AKAP12: variants seen among roughly 807,000 people sequenced by gnomAD.
AKAP12 encodes the protein A-kinase anchor protein 12.
Under a neutral mutation model 79.9 loss-of-function variants are expected in AKAP12, and 32 were observed. That is an observed-to-expected ratio of 0.40 (90% CI 0.30 to 0.54). The LOEUF is 0.54. AKAP12 is among the 20% of genes least tolerant of loss of function. The pLI is 0.48. For synonymous variants in AKAP12, 808 were observed against 857.0 expected, an observed-to-expected ratio of 0.94 and a Z score of 1.00; for missense variants, 2,074 against 2,177.0, an observed-to-expected ratio of 0.95 and a Z score of 0.94.
chr6:151,301,263 T>G (rs1408882252), intron 2 of AKAP12, among the ~76,000 whole-genome samples: 1 of 152,212 alleles, frequency 6.6e-6, no homozygotes, highest in Non-Finnish European at 1.5e-5. Context: ...CAGGAGAGAC[T>G]GATTGAAGTT....
At chr6:151,258,276 T>C (rs1797341435) in intron 2 of AKAP12, among the ~76,000 whole-genome samples, 3 of 152,156 alleles carry the variant, frequency 2.0e-5, no homozygotes, top group South Asian at 2.1e-4. Flanking sequence ...CTCTGGCAAA[T>C]ACAAGTAAAG....
rs770650934 is a variant in AKAP12 at position 151,350,038 on chromosome 6, G to C, written c.1647G>C (p.Gln549His). The C allele has an allele frequency of 1.2e-6, 2 of 1,614,146 alleles. No individual in the cohort carries two copies. The highest frequency in any genetic ancestry group is 3.3e-5 in the Admixed American group (2 of 60,012). Residue 549 changes from glutamine (Q) to histidine (H), a missense_variant, in exon 4 of 5, where the codon CAG becomes CAC. By Grantham distance (24) the Gln-to-His change is conservative (BLOSUM62 0). Around this residue, in one of 3 missense-constraint regions of AKAP12, gnomAD observed 1,428 missense variants for 1,451.0 expected, o/e 0.98. Coordinates refer to ENST00000402676, the MANE Select transcript of AKAP12 (RefSeq NM_005100.4). This position sits in a 1 kb window ranked among gnomAD's most constrained non-coding sequence, Gnocchi z 4.8. Reference sequence around the variant, plus strand: ...ACGAGGAATCAGGGGAGCACACTCAGGTTCCAGCCGATTCTCCGGACAGCC... The same window carrying C: ...ACGAGGAATCAGGGGAGCACACTCACGTTCCAGCCGATTCTCCGGACAGCC... ...GGDEESGEHTQVPADSPDSQE... is the reference protein window; with the variant it reads ...GGDEESGEHTHVPADSPDSQE...
At chr6:151,314,629 G>A (rs931125369) in intron 3 of AKAP12, among the ~76,000 whole-genome samples, 4 of 152,276 alleles carry the variant, frequency 2.6e-5, no homozygotes, top group African/African-American at 9.6e-5. Flanking sequence ...CAGCCTTGGA[G>A]ATGTTACCTA....
intron 2 of AKAP12, among the ~76,000 whole-genome samples, chr6:151,260,940 C>T (rs1289575103): frequency 4.6e-5 from 7 of 152,070 alleles, no homozygotes; most frequent in African/African-American, 4.8e-5. Flanking sequence ...TGCAGTGAGC[C>T]GAGATCGTGC....
chr6:151,351,414 A>T lies in AKAP12; in HGVS notation c.3023A>T (p.Gln1008Leu), dbSNP rs755562706. ...ACAGAAATGGTGTCAGCAGTCTCCC[A>T]GTTAACCGACTCCCCAGACACCACA... ...ETTEMVSAVS[Q>L]LTDSPDTTEE... Residue 1008 changes from glutamine (Q) to leucine (L), a missense_variant, in exon 4 of 5, where the codon CAG becomes CTG. Transcript: ENST00000402676. This position sits in a 1 kb window ranked among gnomAD's most constrained non-coding sequence, Gnocchi z 4.4. 5 of 1,614,104 alleles carry T rather than the reference A, an allele frequency of 3.1e-6. No homozygotes were observed. The African/African-American group carries it at 6.7e-5, about 22-fold the overall frequency.
rs57384016 is a variant in AKAP12, at chr6:151,256,948, C to CTATATATATATATATA, written c.162+16238_162+16239insTATATATATATATATA. Reference sequence around the variant, plus strand: ...ACAGGCGTGAGCCACCGCGCCCGGCCTATATATATATATAAACTTTAAATT... The same window carrying CTATATATATATATATA: ...ACAGGCGTGAGCCACCGCGCCCGGCCTATATATATATATATATATATATATATATAAACTTTAAATT... On this transcript the variant is annotated intron_variant, in intron 2 of 4. Coordinates refer to ENST00000402676, the MANE Select transcript of AKAP12 (RefSeq NM_005100.4). Among the ~76,000 whole-genome samples the CTATATATATATATATA allele has an allele frequency of 1.5e-3, 218 of 145,876 alleles. 3 individuals carry two copies. The highest frequency in any genetic ancestry group is 4.8e-3 in the African/African-American group (188 of 38,920).
chr6:151,326,839 A>G (rs901089609), intron 3 of AKAP12, among the ~76,000 whole-genome samples: 2 of 151,228 alleles, frequency 1.3e-5, no homozygotes, highest in African/African-American at 4.9e-5. Flanking sequence ...GTTTTTTGAG[A>G]TGGAGTCTTG....
chr6:151,340,131 C>T (rs571773625), intron 3 of AKAP12, among the ~76,000 whole-genome samples: 1 of 152,000 alleles, frequency 6.6e-6, no homozygotes, highest in South Asian at 2.1e-4. Context: ...GACGGGGTTT[C>T]ACCATCTTGG....
chr6:151,329,577 C>G (rs1777617605), intron 3 of AKAP12, among the ~76,000 whole-genome samples: 1 of 152,144 alleles, frequency 6.6e-6, no homozygotes, highest in African/African-American at 2.4e-5. Flanking sequence ...CATGTTAGTT[C>G]TAGATTATTT....
chr6:151,294,932 T>C (rs920067700), intron 2 of AKAP12, among the ~76,000 whole-genome samples: 20 of 152,214 alleles, frequency 1.3e-4, no homozygotes, highest in African/African-American at 4.3e-4. Flanking sequence ...GAAAATGCAG[T>C]GATTTCCTCC....
rs1796947425 is a variant in AKAP12 at position 151,240,418 on chromosome 6, G to A, written c.-145G>A. 1.2e-6 allele frequency: 1 copy of A among 858,234 alleles called. No homozygotes were observed. The highest frequency in any genetic ancestry group is 1.6e-6 in the Non-Finnish European group (1 of 633,552). 53.2% of individuals were successfully genotyped at this position (858,234 alleles called of 1,614,324 possible). A position where few individuals can be genotyped will look rare whatever the true frequency, so the allele number is the denominator to read the frequency against. ...GCGAGCGCGTCTCCTTCATTCGCAG[G>A]CTGGGCGCGTTCGCAGTCGGCTGGC... On this transcript the variant is annotated 5_prime_UTR_variant, in exon 2 of 5. Coordinates refer to ENST00000402676, the MANE Select transcript of AKAP12 (RefSeq NM_005100.4).
chr6:151,299,915 C>G (rs1215185283), intron 2 of AKAP12, among the ~76,000 whole-genome samples: 1 of 152,160 alleles, frequency 6.6e-6, no homozygotes, highest in Non-Finnish European at 1.5e-5. Context: ...AGGCATGAGG[C>G]ACCACGCCCA....
Position 151,352,489 on chromosome 6 carries a change from A to G in AKAP12, c.4098A>G (p.Val1366=). 1 of 1,614,232 alleles carries G rather than the reference A, an allele frequency of 6.2e-7. No homozygotes were observed. Among genetic ancestry groups the G allele is most frequent in the East Asian group, 2.2e-5 (1 of 44,878 alleles). The change falls in exon 4 of 5, where the codon GTA becomes GTG. Residue 1366 remains valine, a synonymous_variant. Transcript: ENST00000402676. ...EKLEHETAVT[V]SEEVSKQLLQ... Reference sequence around the variant, plus strand: ...TTGAGCACGAAACAGCTGTTACCGTATCTGAAGAGGTCAGTAAGCAGCTCC... The same window carrying G: ...TTGAGCACGAAACAGCTGTTACCGTGTCTGAAGAGGTCAGTAAGCAGCTCC...
rs544496765 is a variant in AKAP12 at position 151,297,343 on chromosome 6, G to A, written c.163-8404G>A. On this transcript the variant is annotated intron_variant, in intron 2 of 4. Coordinates refer to ENST00000402676, the MANE Select transcript of AKAP12 (RefSeq NM_005100.4). ...TGTAATCCCAGCACTTTGGGAGGCCGAGGCGGGTGGATCACGAGGTCAGGA... is the reference window on the plus strand; with the variant it reads ...TGTAATCCCAGCACTTTGGGAGGCCAAGGCGGGTGGATCACGAGGTCAGGA... Among the ~76,000 whole-genome samples, 54 of 152,042 alleles carry A rather than the reference G, an allele frequency of 3.6e-4. 1 individual carries two copies. The highest frequency in any genetic ancestry group is 1.0e-3 in the Admixed American group (16 of 15,270).
rs10524824 is a variant in AKAP12, at chr6:151,277,944, A to ATGTG, written c.163-27777_163-27774dup. Among the ~76,000 whole-genome samples the ATGTG allele has an allele frequency of 4.4e-3, 658 of 148,424 alleles. 2 individuals carry two copies. The highest frequency in any genetic ancestry group is 8.9e-3 in the South Asian group (42 of 4,730). On this transcript the variant is annotated intron_variant, in intron 2 of 4. Coordinates refer to ENST00000402676, the MANE Select transcript of AKAP12 (RefSeq NM_005100.4). Reference sequence around the variant, plus strand: ...TCCTTAGGCAATAGCTAATAGGTTTATGTGTGTGTGTGTGTGTGTGTGTGT... The same window carrying ATGTG: ...TCCTTAGGCAATAGCTAATAGGTTTATGTGTGTGTGTGTGTGTGTGTGTGTGTGT...
intron 2 of AKAP12, among the ~76,000 whole-genome samples, chr6:151,276,022 T>C (rs955829372): frequency 1.1e-4 from 16 of 152,212 alleles, no homozygotes; most frequent in African/African-American, 3.6e-4. Flanking sequence ...TAATTATTAA[T>C]AGATGTCACC....
chr6:151,318,958 T>A (rs1273117298), intron 3 of AKAP12, among the ~76,000 whole-genome samples: 2 of 152,034 alleles, frequency 1.3e-5, no homozygotes, highest in Non-Finnish European at 2.9e-5. Context: ...AAAGAAAAAT[T>A]CATGTACCTC....
intron 2 of AKAP12, among the ~76,000 whole-genome samples, chr6:151,259,511 T>TACACACACACACACAC (rs373506742): frequency 4.0e-5 from 4 of 101,124 alleles, no homozygotes; most frequent in East Asian, 2.6e-4. Context: ...TATATATATA[T>TACACACACACACACAC]ACACACACAC....
intron 3 of AKAP12, among the ~76,000 whole-genome samples, chr6:151,321,050 G>A (rs1026831005): frequency 1.1e-4 from 17 of 151,296 alleles, no homozygotes; most frequent in African/African-American, 2.7e-4. Flanking sequence ...GCAATGACGC[G>A]ATCTCAGCTC....
Sources: allele counts gnomAD v4.1 joint callset (sites outside exome capture counted in the v4.1 genomes callset), GRCh38; gene constraint gnomAD v4.1.1; regional missense constraint gnomAD v4.1.1; non-coding constraint Gnocchi (gnomAD v3.1); transcripts MANE v1.5; gene names NCBI Gene and HGNC (gene_info 2026-07-23, HGNC 2026-07-21).